MAGI2: variants seen among roughly 807,000 people sequenced by gnomAD.
The protein encoded by MAGI2 is membrane associated guanylate kinase, WW and PDZ domain containing 2.
In MAGI2, 35 loss-of-function variants were observed where a neutral mutation model predicts 133.3. The observed-to-expected ratio is 0.26, with a 90% CI of 0.20 to 0.35. The LOEUF (loss-of-function observed/expected upper bound fraction) is 0.35, where lower values mean the gene tolerates loss of function less well. Ranked by LOEUF, MAGI2 falls within the 10% of genes least tolerant of loss-of-function variation. The pLI, the probability that MAGI2 is intolerant of heterozygous loss-of-function variation, is 1.00. For synonymous variants in MAGI2, 729 were observed against 710.6 expected, an observed-to-expected ratio of 1.03 and a Z score of -0.41; for missense variants, 1,636 against 1,863.4, an observed-to-expected ratio of 0.88 and a Z score of 2.25.
intron 2 of MAGI2, among the ~76,000 whole-genome samples, chr7:78,660,565 C>A (rs6963710): frequency 3.6e-4 from 55 of 151,942 alleles, no homozygotes; most frequent in African/African-American, 1.3e-3. Flanking sequence ...GCAACTATTT[C>A]AAACAAAAAA....
chr7:78,943,277 A>T (rs1220317631), intron 2 of MAGI2, among the ~76,000 whole-genome samples: 1 of 152,162 alleles, frequency 6.6e-6, no homozygotes, highest in Non-Finnish European at 1.5e-5. Context: ...TTTTAAAAAA[A>T]TTGGCAAGTA....
chr7:78,277,458 T>C (rs1196086548), intron 9 of MAGI2, among the ~76,000 whole-genome samples: 1 of 152,172 alleles, frequency 6.6e-6, no homozygotes, highest in Non-Finnish European at 1.5e-5. Context: ...TTGCAAACAT[T>C]TGCCAAATGC....
intron 1 of MAGI2, among the ~76,000 whole-genome samples, chr7:79,082,522 A>G (rs1346651215): frequency 6.6e-6 from 1 of 152,078 alleles, no homozygotes; most frequent in Non-Finnish European, 1.5e-5. Flanking sequence ...TCAAAAATCA[A>G]TTGACCACAT....
chr7:78,672,658 C>T (rs1003501608), intron 2 of MAGI2, among the ~76,000 whole-genome samples: 7 of 152,196 alleles, frequency 4.6e-5, no homozygotes, highest in Non-Finnish European at 8.8e-5. Flanking sequence ...TAGCAGTTCT[C>T]AAAGTGTGGT....
intron 6 of MAGI2, among the ~76,000 whole-genome samples, chr7:78,463,208 T>C (rs188821557): frequency 4.6e-4 from 70 of 152,304 alleles, no homozygotes; most frequent in African/African-American, 1.7e-3. Flanking sequence ...CTGGCAGCTG[T>C]GGTGAGCATA....
chr7:79,241,958 A>G (rs967536202), intron 1 of MAGI2, among the ~76,000 whole-genome samples: 1 of 152,146 alleles, frequency 6.6e-6, no homozygotes, highest in African/African-American at 2.4e-5. Context: ...AGCAGCACAC[A>G]TTCCCTAGCC....
intron 9 of MAGI2, among the ~76,000 whole-genome samples, chr7:78,298,010 A>C (rs567137552): frequency 1.2e-3 from 178 of 151,920 alleles, no homozygotes; most frequent in African/African-American, 4.1e-3. Context: ...TGTCTGGGAA[A>C]AAAAAAAGAT....
At chr7:79,232,004 G>GA (rs1438425920) in intron 1 of MAGI2, among the ~76,000 whole-genome samples, 1 of 152,054 alleles carries the variant, frequency 6.6e-6, no homozygotes, top group African/African-American at 2.4e-5. Context: ...TTAGCATGAA[G>GA]GTTGTTGAAT....
chr7:78,225,669 G>T (rs1789300328), intron 10 of MAGI2, among the ~76,000 whole-genome samples: 1 of 152,192 alleles, frequency 6.6e-6, no homozygotes. Flanking sequence ...CTGAATATTT[G>T]TTGGGGTGAG....
intron 2 of MAGI2, among the ~76,000 whole-genome samples, chr7:78,791,677 G>C (rs1787160083): frequency 6.6e-6 from 1 of 151,832 alleles, no homozygotes; most frequent in South Asian, 2.1e-4. Flanking sequence ...AGCCTCCCGA[G>C]TAGCTGGGAT....
chr7:79,182,439 G>T (rs1322499160), intron 1 of MAGI2, among the ~76,000 whole-genome samples: 2 of 151,810 alleles, frequency 1.3e-5, no homozygotes, highest in Non-Finnish European at 1.5e-5. Context: ...TGAGAACACT[G>T]CAGGAAAGTC....
chr7:78,936,902 C>T (rs1800559441), intron 2 of MAGI2, among the ~76,000 whole-genome samples: 1 of 151,850 alleles, frequency 6.6e-6, no homozygotes, highest in South Asian at 2.1e-4. Flanking sequence ...ACATATATGC[C>T]TGCTTGAGTA....
intron 2 of MAGI2, among the ~76,000 whole-genome samples, chr7:78,761,853 G>C (rs1415635788): frequency 6.6e-6 from 1 of 151,956 alleles, no homozygotes; most frequent in Non-Finnish European, 1.5e-5. Context: ...CACATGCACA[G>C]AACAGTGAAG....
intron 1 of MAGI2, among the ~76,000 whole-genome samples, chr7:79,115,130 A>T (rs146525805): frequency 1.9e-3 from 285 of 152,294 alleles, no homozygotes; most frequent in African/African-American, 6.6e-3. Flanking sequence ...ATAGGTTTGC[A>T]TCTGCTCCTG....
At chr7:78,082,374 G>T (rs3779313) in intron 20 of MAGI2, among the ~76,000 whole-genome samples, 15,709 of 152,150 alleles carry the variant, frequency 0.1, 1,273 homozygotes, top group East Asian at 0.43. Context: ...TAAGGGCTGA[G>T]CTGAAGTCCC....
intron 2 of MAGI2, among the ~76,000 whole-genome samples, chr7:78,978,148 T>C (rs970696721): frequency 3.3e-5 from 5 of 151,800 alleles, no homozygotes; most frequent in African/African-American, 9.7e-5. Context: ...TACTATATAA[T>C]TTGGCAATTG....
chr7:78,925,864 C>T (rs1799653257), intron 2 of MAGI2, among the ~76,000 whole-genome samples: 2 of 151,768 alleles, frequency 1.3e-5, no homozygotes, highest in Admixed American at 1.3e-4. Flanking sequence ...CCATAAAAGC[C>T]AAAGCTTATT....
In MAGI2 at chr7:79,339,464, G is replaced by GTTTTT. The variant is rs71095397; in HGVS notation, c.301+113551_301+113555dup. On this transcript the variant is annotated intron_variant, in intron 1 of 21. Coordinates refer to ENST00000354212, the MANE Select transcript of MAGI2 (RefSeq NM_012301.4). ...TACAGGTTTGTTTGTTTTTGTTTTTGTTTTTTTTTTTTTTGAGGAATCACT... is the reference window on the plus strand; with the variant it reads ...TACAGGTTTGTTTGTTTTTGTTTTTGTTTTTTTTTTTTTTTTTTTGAGGAATCACT... 8.4e-4 allele frequency among the ~76,000 whole-genome samples: 113 copies of GTTTTT among 134,544 alleles called. 2 individuals are homozygous for GTTTTT. Among genetic ancestry groups the GTTTTT allele is most frequent in the African/African-American group, 2.2e-3 (81 of 37,672 alleles). 88.3% of individuals were successfully genotyped at this position (134,544 alleles called of 152,430 possible).
At chr7:78,402,813 T>C (rs1225263635) in intron 6 of MAGI2, among the ~76,000 whole-genome samples, 1 of 152,208 alleles carries the variant, frequency 6.6e-6, no homozygotes, top group East Asian at 1.9e-4. Flanking sequence ...ATTCTCCATA[T>C]ACTTGGATAA....
Sources: allele counts gnomAD v4.1 joint callset (sites outside exome capture counted in the v4.1 genomes callset), GRCh38; gene constraint gnomAD v4.1.1; transcripts MANE v1.5; gene names NCBI Gene and HGNC (gene_info 2026-07-23, HGNC 2026-07-21).